RANBP2: variants seen among roughly 807,000 people sequenced by gnomAD.
RANBP2 encodes the protein E3 SUMO-protein ligase RanBP2.
Under a neutral mutation model 303.6 loss-of-function variants are expected in RANBP2, and 57 were observed. That is an observed-to-expected ratio of 0.19 (90% CI 0.15 to 0.23). The LOEUF (loss-of-function observed/expected upper bound fraction) is 0.23. Among genes scored for constraint, RANBP2 ranks in the 10% least tolerant of loss-of-function variants. RANBP2 has a pLI of 1.00. For missense variants in RANBP2, 3,138 were observed against 3,780.8 expected (o/e 0.83, Z 4.46); for synonymous variants, 1,167 against 1,301.5 (o/e 0.90, Z 2.23).
At chr2:109,591,975 C>A in the RANBP2 span, among the ~76,000 whole-genome samples, 876 of 152,242 alleles carry the variant, frequency 5.8e-3, 11 homozygotes, top group South Asian at 0.056. Flanking sequence ...TAGTTACTCA[C>A]CTCTTTCACC....
the RANBP2 span, among the ~76,000 whole-genome samples, chr2:109,620,391 CAAGAGTAAATTTGATTAT>C: frequency 1.3e-5 from 2 of 152,128 alleles, no homozygotes; most frequent in African/African-American, 4.8e-5. Context: ...AAGAGATTTT[CAAGAGTAAATTTGATTAT>C]AAGAAAATTT....
the RANBP2 span, among the ~76,000 whole-genome samples, chr2:109,621,526 C>T: frequency 6.6e-6 from 1 of 151,962 alleles, no homozygotes; most frequent in African/African-American, 2.4e-5. Context: ...CTCTAAGAAA[C>T]TTTGAATATA....
chr2:108,925,968 C>T, the RANBP2 span, among the ~76,000 whole-genome samples: 1 of 152,156 alleles, frequency 6.6e-6, no homozygotes, highest in Non-Finnish European at 1.5e-5. Context: ...ATGAAACTGT[C>T]CTTCCTCACC....
chr2:108,978,357 G>C, the RANBP2 span, among the ~76,000 whole-genome samples: 9 of 152,152 alleles, frequency 5.9e-5, no homozygotes, highest in African/African-American at 2.2e-4. Context: ...TAGGTGGCCA[G>C]GTCTCCTATT....
At chr2:109,465,536 T>C in the RANBP2 span, among the ~76,000 whole-genome samples, 2 of 152,358 alleles carry the variant, frequency 1.3e-5, no homozygotes, top group East Asian at 3.9e-4. Flanking sequence ...AGTTATGTAG[T>C]GGTCTCTCAT....
the RANBP2 span, chr2:108,894,777 A>G: frequency 6.6e-6 from 1 of 152,338 alleles, no homozygotes; most frequent in African/African-American, 2.4e-5. Flanking sequence ...GGGAATTTGT[A>G]ACTATATAAG....
At chr2:109,626,710 G>A in the RANBP2 span, among the ~76,000 whole-genome samples, 2 of 152,154 alleles carry the variant, frequency 1.3e-5, no homozygotes, top group African/African-American at 4.8e-5. Context: ...GGCTCAACAG[G>A]ATGCTGCTCA....
chr2:109,028,991 C>T, the RANBP2 span, among the ~76,000 whole-genome samples: 6 of 151,950 alleles, frequency 3.9e-5, no homozygotes, highest in Non-Finnish European at 5.9e-5. Flanking sequence ...TGCCATATTG[C>T]CCAGGCTGGT....
the RANBP2 span, among the ~76,000 whole-genome samples, chr2:109,520,657 A>G: frequency 0.046 from 5,118 of 110,078 alleles, 271 homozygotes; most frequent in Non-Finnish European, 0.072. Context: ...GAGGCCAGGC[A>G]CAGCGGCTCA....
chr2:109,349,132 A>T, the RANBP2 span, among the ~76,000 whole-genome samples: 1 of 149,488 alleles, frequency 6.7e-6, no homozygotes, highest in African/African-American at 2.5e-5. Flanking sequence ...CTGAGAGGCC[A>T]TTGCTCTCTC....
At chr2:108,864,164 G>GA in the RANBP2 span, among the ~76,000 whole-genome samples, 68 of 146,716 alleles carry the variant, frequency 4.6e-4, no homozygotes, top group East Asian at 5.1e-3. Flanking sequence ...CATATTTTGT[G>GA]AAAAAAAAAC....
At chr2:108,732,735 C>T (rs1453467635) in intron 4 of RANBP2, among the ~76,000 whole-genome samples, 1 of 152,224 alleles carries the variant, frequency 6.6e-6, no homozygotes, top group Admixed American at 6.5e-5. Flanking sequence ...TGCCTGACCT[C>T]TGGCAACCAT....
the RANBP2 span, among the ~76,000 whole-genome samples, chr2:109,255,039 C>T: frequency 1.3e-5 from 2 of 152,196 alleles, no homozygotes; most frequent in African/African-American, 4.8e-5. Context: ...GGCTCCAACA[C>T]TGTACAAGCC....
chr2:109,129,239 C>T, the RANBP2 span: 16 of 568,214 alleles, frequency 2.8e-5, 2 homozygotes, highest in Admixed American at 1.7e-4. Flanking sequence ...CGGCAGCACC[C>T]CCGGTCCCCC....
At chr2:108,907,904 G>A in the RANBP2 span, 1 of 1,613,664 alleles carries the variant, frequency 6.2e-7, no homozygotes, top group Non-Finnish European at 8.5e-7. Flanking sequence ...CTGGCCAGGT[G>A]AACCAGCGAC....
At chr2:108,874,508 C>A in the RANBP2 span, among the ~76,000 whole-genome samples, 1 of 152,252 alleles carries the variant, frequency 6.6e-6, no homozygotes, top group Admixed American at 6.5e-5. Flanking sequence ...ATAACAGTAA[C>A]ATTTTTATTT....
At chr2:109,509,271 G>T in the RANBP2 span, among the ~76,000 whole-genome samples, 1 of 152,200 alleles carries the variant, frequency 6.6e-6, no homozygotes, top group Non-Finnish European at 1.5e-5. Flanking sequence ...CAGATTATGC[G>T]GTGTTTGGTG....
At chr2:109,545,267 C>T in the RANBP2 span, 59 of 1,390,850 alleles carry the variant, frequency 4.2e-5, no homozygotes, top group Admixed American at 5.6e-5. Context: ...ATAGTTAAAC[C>T]GACAGGGATA....
At chr2:109,139,505 G>A in the RANBP2 span, among the ~76,000 whole-genome samples, 1 of 152,222 alleles carries the variant, frequency 6.6e-6, no homozygotes, top group African/African-American at 2.4e-5. Context: ...GGCTGAATTT[G>A]TGTTGTGGAC....
Sources: gnomAD v4.1 joint callset for allele counts (sites outside exome capture counted in the v4.1 genomes callset) on GRCh38, gnomAD v4.1.1 for gene constraint, MANE v1.5 for transcripts, NCBI Gene and HGNC (gene_info 2026-07-23, HGNC 2026-07-21) for gene names.